The following CSNK2B variants were observed in gnomAD, a reference collection of about 807,000 sequenced individuals.
CSNK2B encodes casein kinase 2 beta, also known as casein kinase II subunit beta.
Under a neutral mutation model 28.8 loss-of-function variants are expected in CSNK2B, and 2 were observed. That is an observed-to-expected ratio of 0.07 (90% CI 0.03 to 0.22). The LOEUF (loss-of-function observed/expected upper bound fraction) is 0.22, where lower values mean the gene tolerates loss of function less well. CSNK2B is among the 10% of genes least tolerant of loss of function. CSNK2B has a pLI of 1.00. For synonymous variants in CSNK2B, 89 were observed against 96.1 expected, an observed-to-expected ratio of 0.93 and a Z score of 0.43; for missense variants, 107 against 277.9, an observed-to-expected ratio of 0.39 and a Z score of 4.37.
chr6:31,669,637 C>A lies in CSNK2B; in HGVS notation c.557+129C>A. The A allele has an allele frequency of 8.7e-7, 1 of 1,145,088 alleles. No homozygotes were observed. The highest frequency in any genetic ancestry group is 1.2e-6 in the Non-Finnish European group (1 of 808,950). 70.9% of individuals were successfully genotyped at this position (1,145,088 alleles called of 1,614,324 possible). On this transcript the variant is annotated intron_variant, in intron 6 of 6. Coordinates refer to ENST00000375882, the MANE Select transcript of CSNK2B (RefSeq NM_001320.7). The surrounding 1 kb of genome is among the most constrained non-coding windows in gnomAD (Gnocchi z 4.8). The stretch of plus-strand genomic sequence containing the variant: ...ATCAGGGCATCTCCCTGCTGAGTGA[C>A]TGTGGGAAAGTTATTTGATTATCTG...
chr6:31,666,452 G>A (rs1305342495), intron 1 of CSNK2B: 1 of 250,160 alleles, frequency 4.0e-6, no homozygotes, highest in South Asian at 7.9e-5. Flanking sequence ...GGAAACCCTT[G>A]GGAAAGGCGT....
Position 31,669,228 on chromosome 6 carries a change from T to G in CSNK2B, c.367+56T>G. The G allele has an allele frequency of 1.2e-6, 2 of 1,601,440 alleles. No homozygotes were observed. The highest frequency in any genetic ancestry group is 1.7e-6 in the Non-Finnish European group (2 of 1,169,092). The stretch of plus-strand genomic sequence containing the variant: ...CGTGTGGCAGTCTTATGGGAAGGAG[T>G]TGGGGCTCAACACATTGGAGCCTGA... On this transcript the variant is annotated intron_variant, in intron 5 of 6. Transcript: ENST00000375882. The surrounding 1 kb of genome is among the most constrained non-coding windows in gnomAD (Gnocchi z 4.8).
chr6:31,668,311 G>A (rs1049682535), intron 3 of CSNK2B: 78 of 600,968 alleles, frequency 1.3e-4, no homozygotes, highest in Non-Finnish European at 2.0e-4. Flanking sequence ...AGTTGGGAGG[G>A]AGAGCAAGGA....
In CSNK2B at chr6:31,666,765, G is replaced by A. The variant is rs952300814; in HGVS notation, c.-11-56G>A. On this transcript the variant is annotated intron_variant, in intron 1 of 6. Transcript: ENST00000375882. ...GAGGGCCGAATGTGGGAGGAGGGAG[G>A]ATACCAGAGGCAGGGAAGGAGAACT... 4 of 1,419,706 alleles carry A rather than the reference G, an allele frequency of 2.8e-6. No homozygotes were observed. In the African/African-American group the frequency reaches 4.2e-5, roughly 15 times the overall value. 87.9% of individuals were successfully genotyped at this position (1,419,706 alleles called of 1,614,324 possible).
chr6:31,667,994 T>G (rs528452081), intron 3 of CSNK2B, 24 bp downstream of exon 3: 3 of 1,468,862 alleles, frequency 2.0e-6, no homozygotes, highest in Non-Finnish European at 2.9e-6. Context: ...AGGGTTGTTT[T>G]GTGTGTGTGC....
At position 31,669,155 on chromosome 6, in the gene CSNK2B, A is replaced by T; in HGVS notation, c.350A>T (p.Gln117Leu). ...GYCPRVYCEN[Q>L]PMLPIGLSDI... Reference sequence around the variant, plus strand: ...TGTCCTCGTGTGTACTGTGAGAACCAGCCAATGCTTCCCATTGGTGAGTGT... The same window carrying T: ...TGTCCTCGTGTGTACTGTGAGAACCTGCCAATGCTTCCCATTGGTGAGTGT... The change falls in exon 5 of 7, where the codon CAG becomes CTG. Residue 117 changes from glutamine (Q) to leucine (L), a missense_variant. Physicochemically the swap from Gln to Leu is moderately radical, Grantham distance 113. Coordinates refer to ENST00000375882, the MANE Select transcript of CSNK2B (RefSeq NM_001320.7). This position sits in a 1 kb window ranked among gnomAD's most constrained non-coding sequence, Gnocchi z 4.8. 6.2e-7 allele frequency: 1 copy of T among 1,613,686 alleles called. No individual in the cohort carries two copies. The highest frequency in any genetic ancestry group is 8.5e-7 in the Non-Finnish European group (1 of 1,179,886).
chr6:31,666,182 A>C lies in CSNK2B; in HGVS notation c.-38A>C. On this transcript the variant is annotated 5_prime_UTR_variant, in exon 1 of 7. Transcript: ENST00000375882. ...CTGGAAGTAGCAACTTCCCTACCCC[A>C]CCCCAGTCCTGGTCCCCGTCCAGCC... The C allele has an allele frequency of 1.0e-6, 1 of 987,714 alleles. No homozygotes were observed. Among genetic ancestry groups the C allele is most frequent in the Non-Finnish European group, 1.2e-6 (1 of 831,786 alleles). 61.2% of individuals were successfully genotyped at this position (987,714 alleles called of 1,614,324 possible). A position where few individuals can be genotyped will look rare whatever the true frequency, so the allele number is the denominator to read the frequency against.
intron 4 of CSNK2B, 72 bp downstream of exon 4, chr6:31,668,726 T>A: frequency 7.2e-7 from 1 of 1,390,986 alleles, no homozygotes; most frequent in Non-Finnish European, 1.0e-6. Flanking sequence ...CAAGAAGTCA[T>A]GTTTAAGCCC....
intron 1 of CSNK2B, 89 bp from the exon 2 acceptor site, chr6:31,666,732 C>A: frequency 9.7e-7 from 1 of 1,034,008 alleles, no homozygotes; most frequent in Non-Finnish European, 1.4e-6. Flanking sequence ...CGAATTCTCC[C>A]GTGGTTGGAG....
At chr6:31,666,274 C>A in intron 1 of CSNK2B, 66 bp downstream of exon 1, 2 of 832,010 alleles carry the variant, frequency 2.4e-6, no homozygotes, top group Non-Finnish European at 1.5e-6. Context: ...GGTCTCCGGA[C>A]TTTGATGTGG....
intron 1 of CSNK2B, 27 bp downstream of exon 1, chr6:31,666,235 A>G (rs989349190): frequency 2.1e-5 from 21 of 979,544 alleles, no homozygotes; most frequent in Non-Finnish European, 2.4e-5. Context: ...CGCTGCTCCG[A>G]GTCCCTTGTC....
In CSNK2B at chr6:31,669,301, A is replaced by G; in HGVS notation, c.368-18A>G. 6.2e-7 allele frequency: 1 copy of G among 1,607,800 alleles called. No homozygotes were observed. The highest frequency in any genetic ancestry group is 8.5e-7 in the Non-Finnish European group (1 of 1,175,160). ...GAATAGGGGGATACCTGGCCTGCTGAGTCTGGCTGTCTCCCAGGCCTTTCA... is the reference window on the plus strand; with the variant it reads ...GAATAGGGGGATACCTGGCCTGCTGGGTCTGGCTGTCTCCCAGGCCTTTCA... On this transcript the variant is annotated intron_variant, in intron 5 of 6. Transcript: ENST00000375882. The surrounding 1 kb of genome is among the most constrained non-coding windows in gnomAD (Gnocchi z 4.8).
rs200882439 is a variant in CSNK2B at position 31,666,825 on chromosome 6, C to T, written c.-7C>T. The T allele has an allele frequency of 7.3e-5, 117 of 1,611,566 alleles. No homozygotes were observed. Among genetic ancestry groups the T allele is most frequent in the South Asian group, 1.8e-4 (16 of 90,956 alleles). ...CTGACACTGTTCTTTTTCTAGCTGA[C>T]GTGAAGATGAGCAGCTCAGAGGAGG... is the stretch of plus-strand genomic sequence containing the variant. On this transcript the variant is annotated 5_prime_UTR_variant, in exon 2 of 7. In the 5' UTR this introduces an upstream ATG that the reference lacks. Coordinates refer to ENST00000375882, the MANE Select transcript of CSNK2B (RefSeq NM_001320.7).
Position 31,669,952 on chromosome 6 carries a change from C to CT in CSNK2B, c.*29dup, listed in dbSNP as rs747306684. On this transcript the variant is annotated 3_prime_UTR_variant, in exon 7 of 7. Coordinates refer to ENST00000375882, the MANE Select transcript of CSNK2B (RefSeq NM_001320.7). This position sits in a 1 kb window ranked among gnomAD's most constrained non-coding sequence, Gnocchi z 4.8. ...TTCCCTCCCCCACCTGTCCTGCAGTCTTTGACTTTTCCTTTCTTTTTTGCC... is the reference window on the plus strand; with the variant it reads ...TTCCCTCCCCCACCTGTCCTGCAGTCTTTTGACTTTTCCTTTCTTTTTTGCC... 1.9e-6 allele frequency: 3 copies of CT among 1,594,994 alleles called. No homozygotes were observed. The highest frequency in any genetic ancestry group is 1.1e-5 in the South Asian group (1 of 89,212).
rs777178701 is a variant in CSNK2B, at chr6:31,667,931, T to A, written c.136T>A (p.Tyr46Asn). The A allele has an allele frequency of 6.3e-7, 1 of 1,577,788 alleles. No homozygotes were observed. The highest frequency in any genetic ancestry group is 1.4e-5 in the African/African-American group (1 of 72,830). Residue 46 changes from tyrosine (Y) to asparagine (N), a missense_variant, in exon 3 of 7, where the codon TAT (tyrosine) becomes AAT (asparagine). Tyr to Asn is a moderately radical substitution (Grantham distance 143). Transcript: ENST00000375882. ...TGGACTCAATGAGCAGGTCCCTCACTATCGACAAGCTCTAGACATGATCTT... is the reference window on the plus strand; with the variant it reads ...TGGACTCAATGAGCAGGTCCCTCACAATCGACAAGCTCTAGACATGATCTT... ...LTGLNEQVPH[Y>N]RQALDMILDL...
chr6:31,668,024 A>G, intron 3 of CSNK2B, 54 bp downstream of exon 3: 1 of 1,196,580 alleles, frequency 8.4e-7, no homozygotes, highest in Non-Finnish European at 1.2e-6. Flanking sequence ...TTTTCTCTTC[A>G]AATCTCTATT....
chr6:31,667,141 C>CT lies in CSNK2B; in HGVS notation c.72+246dup, dbSNP rs761333449. On this transcript the variant is annotated intron_variant, in intron 2 of 6. Transcript: ENST00000375882. ...TGGGCTAGTCAATTTGTGTCTTTTT[C>CT]TTTTTTTTGAGACTGGGTCTCACTC... is the stretch of plus-strand genomic sequence containing the variant. 1.0e-4 allele frequency: 70 copies of CT among 677,914 alleles called. 1 individual carries two copies. The highest frequency in any genetic ancestry group is 5.6e-4 in the South Asian group (37 of 66,548). The allele number at this position is 677,914 out of a possible 1,614,324, so 42.0% of individuals were successfully genotyped here.
intron 4 of CSNK2B, 99 bp downstream of exon 4, chr6:31,668,753 C>A: frequency 8.9e-7 from 1 of 1,125,590 alleles, no homozygotes; most frequent in African/African-American, 1.5e-5. Flanking sequence ...AGGAAGCTAG[C>A]TGAGAAGAGG....
In CSNK2B at chr6:31,670,024, C is replaced by T. The variant is rs1305332538; in HGVS notation, c.*98C>T. ...GGTTTTTAGTTTAAATTAAAGGAGTCGTTATCGTGGTGGGAATATGAAATA... is the reference window on the plus strand; with the variant it reads ...GGTTTTTAGTTTAAATTAAAGGAGTTGTTATCGTGGTGGGAATATGAAATA... On this transcript the variant is annotated 3_prime_UTR_variant, in exon 7 of 7. Coordinates refer to ENST00000375882, the MANE Select transcript of CSNK2B (RefSeq NM_001320.7). 27 of 967,566 alleles carry T rather than the reference C, an allele frequency of 2.8e-5. No individual in the cohort carries two copies. Among genetic ancestry groups the T allele is most frequent in the Non-Finnish European group, 3.7e-5 (25 of 669,088 alleles). 59.9% of individuals were successfully genotyped at this position (967,566 alleles called of 1,614,324 possible). A position where few individuals can be genotyped will look rare whatever the true frequency, so the allele number is the denominator to read the frequency against.
Sources: gnomAD v4.1 joint callset for allele counts on GRCh38, gnomAD v4.1.1 for gene constraint, Gnocchi (gnomAD v3.1) non-coding constraint, MANE v1.5 for transcripts, NCBI Gene and HGNC (gene_info 2026-07-23, HGNC 2026-07-21) for gene names.